The following SHANK2 variants were observed in gnomAD, a reference collection of about 807,000 sequenced individuals.
The protein encoded by SHANK2 is SH3 and multiple ankyrin repeat domains 2.
Under a neutral mutation model 133.7 loss-of-function variants are expected in SHANK2, and 43 were observed. The observed-to-expected ratio is 0.32, with a 90% CI of 0.25 to 0.41. SHANK2 has a LOEUF of 0.41. Among genes scored for constraint, SHANK2 ranks in the 10% least tolerant of loss-of-function variants. SHANK2 has a pLI of 1.00. For missense variants in SHANK2, 1,994 were observed against 2,235.8 expected, an observed-to-expected ratio of 0.89 and a Z score of 2.18; for synonymous variants, 1,017 against 952.8, an observed-to-expected ratio of 1.07 and a Z score of -1.24.
chr11:70,692,890 CA>C (rs370531837), intron 15 of SHANK2, among the ~76,000 whole-genome samples: 2 of 152,166 alleles, frequency 1.3e-5, no homozygotes, highest in Non-Finnish European at 2.9e-5. Context: ...TAAGGGAGAA[CA>C]AAAAACAGAT....
At chr11:70,833,380 C>T (rs1379840650) in intron 11 of SHANK2, among the ~76,000 whole-genome samples, 2 of 152,222 alleles carry the variant, frequency 1.3e-5, no homozygotes, top group Admixed American at 6.5e-5. Flanking sequence ...CATCAACAAG[C>T]CAGGGTGGAC....
chr11:70,769,412 C>A (rs782124449), intron 14 of SHANK2, among the ~76,000 whole-genome samples: 5 of 152,192 alleles, frequency 3.3e-5, no homozygotes, highest in Admixed American at 3.3e-4. Context: ...GCTTCAGGAA[C>A]AACAAATAGG....
At chr11:70,524,810 C>T (rs1221101276) in intron 17 of SHANK2, among the ~76,000 whole-genome samples, 1 of 152,258 alleles carries the variant, frequency 6.6e-6, no homozygotes, top group Non-Finnish European at 1.5e-5. Flanking sequence ...TGCTCTGGAA[C>T]ATGTTGAGAT....
chr11:71,136,863 ATTCT>A (rs1952449014), intron 3 of SHANK2, among the ~76,000 whole-genome samples: 1 of 152,158 alleles, frequency 6.6e-6, no homozygotes, highest in Non-Finnish European at 1.5e-5. Context: ...ATCAAATGGT[ATTCT>A]TTTTTATTTT....
At chr11:71,140,672 G>C (rs193142341) in intron 3 of SHANK2, among the ~76,000 whole-genome samples, 1 of 152,216 alleles carries the variant, frequency 6.6e-6, no homozygotes, top group Non-Finnish European at 1.5e-5. Flanking sequence ...TGCTCCCCGG[G>C]CTGAACGCCA....
intron 17 of SHANK2, among the ~76,000 whole-genome samples, chr11:70,644,532 G>A (rs1289042028): frequency 2.0e-5 from 3 of 152,256 alleles, no homozygotes; most frequent in Admixed American, 2.0e-4. Flanking sequence ...CGCAGCGACA[G>A]GAACTGAGGG....
At chr11:71,220,119 C>T (rs957890876) in intron 2 of SHANK2, among the ~76,000 whole-genome samples, 11 of 152,200 alleles carry the variant, frequency 7.2e-5, no homozygotes, top group African/African-American at 2.6e-4. Flanking sequence ...GTGGTCCCAA[C>T]TACTCAGGAG....
intron 3 of SHANK2, among the ~76,000 whole-genome samples, chr11:71,125,828 G>A (rs1255944844): frequency 6.6e-6 from 1 of 152,190 alleles, no homozygotes; most frequent in African/African-American, 2.4e-5. Flanking sequence ...AGCTTCAAAG[G>A]ACAGGCTGTC....
intron 10 of SHANK2, chr11:70,933,187 A>G: frequency 2.2e-6 from 1 of 456,722 alleles, no homozygotes; most frequent in Non-Finnish European, 4.4e-6. Context: ...TCGGCCATGA[A>G]AAAGCAACGA....
At chr11:70,844,492 G>A (rs1471439383) in intron 11 of SHANK2, among the ~76,000 whole-genome samples, 2 of 152,144 alleles carry the variant, frequency 1.3e-5, no homozygotes, top group Admixed American at 6.5e-5. Flanking sequence ...CATGGGGTTT[G>A]GGGCCGCAGT....
chr11:71,094,559 G>T lies in SHANK2; in HGVS notation c.722C>A (p.Ala241Glu), dbSNP rs749039621. The stretch of plus-strand genomic sequence containing the variant: ...TACCTTCAGGGCAACTTGGTTCCTC[G>T]CTCGGGCAGCTTTGTGTAGGGCGGT... Reference protein sequence around the residue: ...GMTALHKAARARNQVALKTLL... With the variant: ...GMTALHKAARERNQVALKTLL... Residue 241 changes from alanine (A) to glutamate (E), a missense_variant, in exon 7 of 26, where the codon GCG becomes GAG. Ala to Glu is a moderately radical substitution (Grantham distance 107). Transcript: ENST00000601538. 5.2e-6 allele frequency: 8 copies of T among 1,551,108 alleles called. No homozygotes were observed. In the South Asian group the frequency reaches 8.3e-5, roughly 16 times the overall value.
chr11:70,640,497 A>G (rs2061163698), intron 17 of SHANK2, among the ~76,000 whole-genome samples: 1 of 152,230 alleles, frequency 6.6e-6, no homozygotes, highest in South Asian at 2.1e-4. Context: ...ACTGTGAGTG[A>G]ACGCATCGCT....
rs1554995097 is a variant in SHANK2 at position 70,613,760 on chromosome 11, C to CCTGTTT, written c.2061+46067_2061+46068insAAACAG. Among the ~76,000 whole-genome samples, 9 of 20,394 alleles carry CCTGTTT rather than the reference C, an allele frequency of 4.4e-4. 1 individual carries two copies. Among genetic ancestry groups the CCTGTTT allele is most frequent in the Admixed American group, 3.3e-3 (4 of 1,228 alleles). 13.4% of individuals were successfully genotyped at this position (20,394 alleles called of 152,430 possible). On this transcript the variant is annotated intron_variant, in intron 17 of 25. Transcript: ENST00000601538. ...TGCTGTCCTTGTAAGAAGAGGGGAACTTGTTTTTTTTTTTTTTTCTTTGAG... is the reference window on the plus strand; with the variant it reads ...TGCTGTCCTTGTAAGAAGAGGGGAACCTGTTTTTGTTTTTTTTTTTTTTTCTTTGAG...
At position 70,639,887 on chromosome 11, in the gene SHANK2, TGGG is replaced by T. The variant is rs1555005689; in HGVS notation, c.2061+19938_2061+19940del. ...TGGTGGAGTTCTACGTGGCTGGGAT[TGGG>T]ACATCAGTGGACCCAGGGACGGCCC... On this transcript the variant is annotated intron_variant, in intron 17 of 25. Coordinates refer to ENST00000601538, the MANE Select transcript of SHANK2 (RefSeq NM_012309.5). Among the ~76,000 whole-genome samples, 8 of 152,248 alleles carry T rather than the reference TGGG, an allele frequency of 5.3e-5. No homozygotes were observed. In the South Asian group the frequency reaches 1.7e-3, roughly 32 times the overall value.
In SHANK2 at chr11:70,744,178, C is replaced by T. The variant is rs537538794; in HGVS notation, c.1778-45415G>A. 8.5e-5 allele frequency among the ~76,000 whole-genome samples: 13 copies of T among 152,382 alleles called. No homozygotes were observed. The South Asian group carries it at 2.7e-3, about 32-fold the overall frequency. On this transcript the variant is annotated intron_variant, in intron 14 of 25. Transcript: ENST00000601538. Reference sequence around the variant, plus strand: ...ACAGGGCCCCAGAGCCACATTCACGCACCTGGCAAGTCGCCACCCCCATGG... The same window carrying T: ...ACAGGGCCCCAGAGCCACATTCACGTACCTGGCAAGTCGCCACCCCCATGG...
At chr11:70,689,974 C>T (rs1250938247) in intron 15 of SHANK2, among the ~76,000 whole-genome samples, 3 of 151,964 alleles carry the variant, frequency 2.0e-5, no homozygotes, top group African/African-American at 7.3e-5. Context: ...ACCTGGAGAA[C>T]ATTTGATAAC....
intron 14 of SHANK2, among the ~76,000 whole-genome samples, chr11:70,776,629 T>A (rs1252664033): frequency 1.3e-5 from 2 of 152,070 alleles, no homozygotes; most frequent in Non-Finnish European, 2.9e-5. Flanking sequence ...GTATGAAAGG[T>A]AGAGTGAGTA....
chr11:71,239,544 C>T (rs1449042933), intron 1 of SHANK2, among the ~76,000 whole-genome samples: 7 of 152,152 alleles, frequency 4.6e-5, no homozygotes, highest in Admixed American at 4.6e-4. Flanking sequence ...ACAGCAGCCT[C>T]GACCTTTCCA....
At chr11:70,476,700 C>G (rs1337992473) in intron 25 of SHANK2, among the ~76,000 whole-genome samples, 1 of 152,206 alleles carries the variant, frequency 6.6e-6, no homozygotes, top group East Asian at 1.9e-4. Context: ...CATATGCCCA[C>G]AGAGGACTAG....
Sources: gnomAD v4.1 joint callset for allele counts (sites outside exome capture counted in the v4.1 genomes callset) on GRCh38, gnomAD v4.1.1 for gene constraint, MANE v1.5 for transcripts, NCBI Gene and HGNC (gene_info 2026-07-23, HGNC 2026-07-21) for gene names.